Variants in HOOK2 observed in about 807,000 individuals in gnomAD.
HOOK2 encodes hook microtubule tethering protein 2, also known as protein Hook homolog 2.
A neutral mutation model predicts 111.9 loss-of-function variants in HOOK2; 108 were observed. That is an observed-to-expected ratio of 0.96 (90% CI 0.83 to 1.13). The LOEUF (loss-of-function observed/expected upper bound fraction) is 1.13. Among genes scored for constraint, HOOK2 ranks in the 50% most tolerant of loss-of-function variants. The probability of loss-of-function intolerance (pLI) is 0.00; values close to 1 mark genes in which losing one functional copy is unlikely to be tolerated. For synonymous variants in HOOK2, 405 were observed against 394.3 expected (o/e 1.03, Z -0.32); for missense variants, 978 against 951.3 (o/e 1.03, Z -0.37).
upstream of HOOK2, among the ~76,000 whole-genome samples, chr19:12,781,732 A>G (rs1968604588): frequency 6.6e-6 from 1 of 151,996 alleles, no homozygotes; most frequent in African/African-American, 2.4e-5. Context: ...TGGCATGACT[A>G]TCTTATGTGT....
intron 10 of HOOK2, among the ~76,000 whole-genome samples, chr19:12,770,403 G>A (rs1968283617): frequency 6.6e-6 from 1 of 151,818 alleles, no homozygotes; most frequent in Non-Finnish European, 1.5e-5. Context: ...AGTCATTGGG[G>A]GAGGTATGGG....
rs990547452 is a variant in HOOK2 at position 12,767,434 on chromosome 19, A to G, written c.1334T>C (p.Val445Ala). ...DPSLDPTSTP[V>A]DNLAAEILPA... ...CAGGATCTCTGCGGCTAAGTTATCCACGGGTGTGGAGGTGGGATCCAGTGA... is the reference window on the plus strand; with the variant it reads ...CAGGATCTCTGCGGCTAAGTTATCCGCGGGTGTGGAGGTGGGATCCAGTGA... Residue 445 changes from valine (V) to alanine (A), a missense_variant, in exon 14 of 23, where the codon GTG becomes GCG. Physicochemically the swap from Val to Ala is moderately conservative, Grantham distance 64. Coordinates refer to ENST00000397668, the MANE Select transcript of HOOK2 (RefSeq NM_013312.3). 6.2e-7 allele frequency: 1 copy of G among 1,613,942 alleles called. No individual in the cohort carries two copies. Among genetic ancestry groups the G allele is most frequent in the Non-Finnish European group, 8.5e-7 (1 of 1,179,982 alleles).
intron 3 of HOOK2, 88 bp from the exon 4 acceptor site, chr19:12,773,132 T>A: frequency 7.9e-7 from 1 of 1,270,476 alleles, no homozygotes. Flanking sequence ...TCACTTCTCC[T>A]TCCCTGCTCA....
chr19:12,770,027 G>A lies in HOOK2; in HGVS notation c.958C>T (p.Arg320Cys). The A allele has an allele frequency of 6.5e-7, 1 of 1,540,610 alleles. No individual in the cohort carries two copies. Among genetic ancestry groups the A allele is most frequent in the South Asian group, 1.2e-5 (1 of 83,606 alleles). The change falls in exon 11 of 23, where the codon CGC becomes TGC. Residue 320 changes from arginine (R) to cysteine (C), a missense_variant. Around this residue, in one of 5 missense-constraint regions of HOOK2, gnomAD observed 388 missense variants for 358.3 expected, o/e 1.08. Transcript: ENST00000397668. ...CGCAGCTCCCTCAGCTCGCCCAAGCGGCGCCGGCAACTGGTCAGCGTGGCC... is the reference window on the plus strand; with the variant it reads ...CGCAGCTCCCTCAGCTCGCCCAAGCAGCGCCGGCAACTGGTCAGCGTGGCC... ...LEATLTSCRR[R>C]LGELRELRRQ...
upstream of HOOK2, among the ~76,000 whole-genome samples, chr19:12,775,990 G>A (rs1968497648): frequency 7.1e-6 from 1 of 140,520 alleles, no homozygotes; most frequent in African/African-American, 2.8e-5. Flanking sequence ...CCATTCTCCT[G>A]CCTCAGCCTC....
At chr19:12,770,716 AG>A (rs1255922006) in intron 10 of HOOK2, among the ~76,000 whole-genome samples, 1 of 110,542 alleles carries the variant, frequency 9.0e-6, no homozygotes, top group African/African-American at 3.6e-5. Flanking sequence ...AGGGGGGGGC[AG>A]TGTGGGGTCC....
chr19:12,786,587 C>T lies in HOOK2; in HGVS notation n.42-12362G>A, dbSNP rs1050861684. ...CCAGCTGCCAGTCTGGACGCTCAGG[C>T]CAGTTGGGGGAGGGGGCTGTTCTCC... On this transcript the variant is annotated intron_variant and non_coding_transcript_variant, in intron 3 of 3. Coordinates refer to the HOOK2 transcript ENST00000589765. This position sits in a 1 kb window ranked among gnomAD's most constrained non-coding sequence, Gnocchi z 4.3. Among the ~76,000 whole-genome samples, 2 of 152,092 alleles carry T rather than the reference C, an allele frequency of 1.3e-5. No individual in the cohort carries two copies. Among genetic ancestry groups the T allele is most frequent in the African/African-American group, 4.8e-5 (2 of 41,422 alleles).
rs748386478 is a variant in HOOK2 at position 12,766,014 on chromosome 19, C to T, written c.1512G>A (p.Arg504=). 3.9e-5 allele frequency: 63 copies of T among 1,613,156 alleles called. No homozygotes were observed. In the Admixed American group the frequency reaches 1.1e-3, roughly 27 times the overall value. ...RARHGLETQH[R]LNQQQLSELR... is the part of the protein sequence containing the mutation. Reference sequence around the variant, plus strand: ...GCTCGGATAGCTGCTGCTGGTTCAGCCTGCGAGGGTGGGGGGCCGCTTAGT... The same window carrying T: ...GCTCGGATAGCTGCTGCTGGTTCAGTCTGCGAGGGTGGGGGGCCGCTTAGT... Residue 504 remains arginine (R), a splice_region_variant and synonymous_variant, in exon 16 of 23, where the codon CGG becomes CGA. Transcript: ENST00000397668.
Position 12,775,436 on chromosome 19 carries a change from T to C in HOOK2, c.14A>G (p.Lys5Arg). The change falls in exon 1 of 23, where the codon AAA becomes AGA. Residue 5 changes from lysine to arginine, a missense_variant. Transcript: ENST00000397668. ...GAGCAGAGACCCGCATAGCTCAGCTTTGTCCACGCTCATGGCTCCCGATCG... is the reference window on the plus strand; with the variant it reads ...GAGCAGAGACCCGCATAGCTCAGCTCTGTCCACGCTCATGGCTCCCGATCG... MSVD[K>R]AELCGSLLTW... The C allele has an allele frequency of 6.2e-7, 1 of 1,612,420 alleles. No homozygotes were observed.
chr19:12,764,846 G>A lies in HOOK2; in HGVS notation c.1795C>T (p.Arg599Ter), dbSNP rs372675413. 6.2e-6 allele frequency: 10 copies of A among 1,613,782 alleles called. No homozygotes were observed. The highest frequency in any genetic ancestry group is 2.7e-5 in the African/African-American group (2 of 74,920). The change falls in exon 20 of 23, where the codon CGA becomes TGA. Residue 599 changes from arginine (R) to a stop codon, truncating the protein, a stop_gained. Coordinates refer to ENST00000397668, the MANE Select transcript of HOOK2 (RefSeq NM_013312.3). LOFTEE classifies it high-confidence loss of function. The part of the protein sequence containing the change: ...KDADLRAMEE[R>*]YRRYVDKARM... Reference sequence around the variant, plus strand: ...GCCTTGTCCACGTAGCGGCGGTATCGCTCCTCCATGGCCCGCAAGTCCGCG... The same window carrying A: ...GCCTTGTCCACGTAGCGGCGGTATCACTCCTCCATGGCCCGCAAGTCCGCG...
At position 12,791,065 on chromosome 19, in the gene HOOK2, A is replaced by G. The variant is rs550191394; in HGVS notation, n.42-16840T>C. On this transcript the variant is annotated intron_variant and non_coding_transcript_variant, in intron 3 of 3. Transcript: ENST00000589765. This position sits in a 1 kb window ranked among gnomAD's most constrained non-coding sequence, Gnocchi z 7.0. The stretch of plus-strand genomic sequence containing the variant: ...CATTTCTGCTTTTTGGGGTCTCCCA[A>G]TGGATTGTCAGTCCTCCTACCCCTC... Among the ~76,000 whole-genome samples the G allele has an allele frequency of 2.6e-5, 4 of 152,206 alleles. No individual in the cohort carries two copies. The highest frequency in any genetic ancestry group is 2.1e-4 in the South Asian group (1 of 4,820).
chr19:12,765,727 G>A lies in HOOK2; in HGVS notation c.1606-3C>T, dbSNP rs764145577. ...AGCTTCCTTTTCAGCAAAATGGACT[G>A]GGAGAGAGAAGAGGCAAGGTGAGTG... On this transcript the variant is annotated splice_region_variant and splice_polypyrimidine_tract_variant and intron_variant, in intron 17 of 22. Coordinates refer to ENST00000397668, the MANE Select transcript of HOOK2 (RefSeq NM_013312.3). 25 of 1,614,094 alleles carry A rather than the reference G, an allele frequency of 1.5e-5. No homozygotes were observed. Among genetic ancestry groups the A allele is most frequent in the Non-Finnish European group, 2.1e-5 (25 of 1,180,040 alleles).
chr19:12,774,576 C>T (rs1446381948), intron 3 of HOOK2, 93 bp downstream of exon 3: 1 of 1,182,288 alleles, frequency 8.5e-7, no homozygotes, highest in African/African-American at 1.5e-5. Context: ...ATCTGTCCCT[C>T]TTCCTGCCCA....
At chr19:12,771,613 T>A in intron 7 of HOOK2, 136 bp from the exon 8 acceptor site, 1 of 739,952 alleles carries the variant, frequency 1.4e-6, no homozygotes, top group Non-Finnish European at 2.3e-6. Context: ...CCGGGTGCAG[T>A]GGCTCGCGCC....
Position 12,770,222 on chromosome 19 carries a change from G to A in HOOK2, c.903-140C>T, listed in dbSNP as rs546540878. On this transcript the variant is annotated intron_variant, in intron 10 of 22. Coordinates refer to ENST00000397668, the MANE Select transcript of HOOK2 (RefSeq NM_013312.3). ...GGTGAAGGGGTCATGAAAGTTGAGG[G>A]TTAGGGGTCAATCAGGGCCTGGAGC... The A allele has an allele frequency of 7.4e-6, 5 of 675,550 alleles. No individual in the cohort carries two copies. The South Asian group carries it at 8.8e-5, about 12-fold the overall frequency. The allele number at this position is 675,550 out of a possible 1,614,324, so 41.8% of individuals were successfully genotyped here. A position where few individuals can be genotyped will look rare whatever the true frequency, so the allele number is the denominator to read the frequency against.
intron 14 of HOOK2, among the ~76,000 whole-genome samples, chr19:12,766,878 C>T (rs905893403): frequency 2.0e-5 from 3 of 152,108 alleles, no homozygotes; most frequent in Admixed American, 6.6e-5. Flanking sequence ...CCACCGCGCC[C>T]GGTCGTTTTT....
At chr19:12,782,481 G>T (rs76619030), upstream of HOOK2, among the ~76,000 whole-genome samples, 4 of 152,226 alleles carry the variant, frequency 2.6e-5, no homozygotes, top group African/African-American at 7.2e-5. Context: ...GTGCGCAGAG[G>T]GCCTCCCGCC....
chr19:12,775,227 TC>T, intron 1 of HOOK2, 177 bp downstream of exon 1: 1 of 985,306 alleles, frequency 1.0e-6, no homozygotes, highest in Non-Finnish European at 1.2e-6. Flanking sequence ...ACCTGTCCTT[TC>T]CACGCAGACT....
chr19:12,774,351 C>T (rs545493310), intron 3 of HOOK2: 2 of 402,486 alleles, frequency 5.0e-6, no homozygotes, highest in Admixed American at 3.7e-5. Flanking sequence ...GGTGATCCAC[C>T]CACTTTAGCC....
Sources: allele counts gnomAD v4.1 joint callset (sites outside exome capture counted in the v4.1 genomes callset), GRCh38; gene constraint gnomAD v4.1.1; regional missense constraint gnomAD v4.1.1; non-coding constraint Gnocchi (gnomAD v3.1); transcripts MANE v1.5; gene names NCBI Gene and HGNC (gene_info 2026-07-23, HGNC 2026-07-21).